The following SYCP2 variants were observed in gnomAD, a reference collection of about 807,000 sequenced individuals.
The protein encoded by SYCP2 is synaptonemal complex protein 2.
In SYCP2, 55 loss-of-function variants were observed where a neutral mutation model predicts 211.3. The observed-to-expected ratio is 0.26, with a 90% CI of 0.21 to 0.33. The LOEUF is 0.33. Among genes scored for constraint, SYCP2 ranks in the 10% least tolerant of loss-of-function variants. The pLI is 1.00. For missense variants in SYCP2, 1,731 were observed against 1,752.0 expected, an observed-to-expected ratio of 0.99 and a Z score of 0.21; for synonymous variants, 570 against 555.2, an observed-to-expected ratio of 1.03 and a Z score of -0.37.
At chr20:59,868,663 CTAAG>C in intron 37 of SYCP2, 95 bp from the exon 38 acceptor site, 3 of 1,387,476 alleles carry the variant, frequency 2.2e-6, no homozygotes, top group Non-Finnish European at 2.9e-6. Flanking sequence ...TTTGTTTCCA[CTAAG>C]TATTTTTATT....
chr20:59,872,937 T>C (rs1237107518), intron 35 of SYCP2, among the ~76,000 whole-genome samples: 1 of 152,102 alleles, frequency 6.6e-6, no homozygotes, highest in East Asian at 1.9e-4. Context: ...TTTAGGTGTT[T>C]ATAAGGAAGT....
At chr20:59,924,215 A>G (rs2060592337) in intron 2 of SYCP2, among the ~76,000 whole-genome samples, 1 of 151,912 alleles carries the variant, frequency 6.6e-6, no homozygotes, top group Non-Finnish European at 1.5e-5. Context: ...CTTCCTAGTC[A>G]TTTCTCCACC....
Position 59,864,217 on chromosome 20 carries a change from CATGTAT to C in SYCP2, c.*88_*93del. On this transcript the variant is annotated 3_prime_UTR_variant, in exon 45 of 45. Coordinates refer to ENST00000357552, the MANE Select transcript of SYCP2 (RefSeq NM_014258.4). The stretch of plus-strand genomic sequence containing the variant: ...ATAAAGGGTACACTTGCTTCGGTGA[CATGTAT>C]ATTTTTCTCTTTGTAGGACTATTCT... 1 of 870,234 alleles carries C rather than the reference CATGTAT, an allele frequency of 1.1e-6. No homozygotes were observed. The highest frequency in any genetic ancestry group is 1.8e-6 in the Non-Finnish European group (1 of 571,062). 53.9% of individuals were successfully genotyped at this position (870,234 alleles called of 1,614,324 possible).
At chr20:59,913,316 A>C (rs1174401866) in intron 12 of SYCP2, among the ~76,000 whole-genome samples, 4 of 152,166 alleles carry the variant, frequency 2.6e-5, no homozygotes, top group Non-Finnish European at 4.4e-5. Flanking sequence ...AGAGGAACTT[A>C]TGATTCAAAT....
intron 20 of SYCP2, among the ~76,000 whole-genome samples, chr20:59,894,057 T>C (rs565741028): frequency 1.3e-5 from 2 of 152,218 alleles, no homozygotes; most frequent in African/African-American, 4.8e-5. Context: ...ACAATATCTA[T>C]TGCATTACCC....
In SYCP2 at chr20:59,922,337, C is replaced by T. The variant is rs2060556677; in HGVS notation, c.24+53G>A. On this transcript the variant is annotated intron_variant, in intron 3 of 44. Coordinates refer to ENST00000357552, the MANE Select transcript of SYCP2 (RefSeq NM_014258.4). ...ATAGCACTGAATACCTATAAGTAAA[C>T]AAAAAGTGATTTTCAGAATGAAAAT... The T allele has an allele frequency of 4.0e-6, 6 of 1,516,606 alleles. No individual in the cohort carries two copies. The African/African-American group carries it at 5.8e-5, about 15-fold the overall frequency. 93.9% of individuals were successfully genotyped at this position (1,516,606 alleles called of 1,614,324 possible).
At chr20:59,924,901 A>G (rs1041161751) in intron 2 of SYCP2, among the ~76,000 whole-genome samples, 1 of 152,042 alleles carries the variant, frequency 6.6e-6, no homozygotes, top group Non-Finnish European at 1.5e-5. Flanking sequence ...AGGAAAGGGT[A>G]AGATAATCTT....
At chr20:59,915,678 AGTAGGAT>A in intron 8 of SYCP2, 128 bp from the exon 9 acceptor site, 1 of 631,712 alleles carries the variant, frequency 1.6e-6, no homozygotes, top group South Asian at 2.0e-5. Context: ...ATGGGAATGG[AGTAGGAT>A]GGAGGAAAGA....
chr20:59,896,601 T>C (rs753798555), intron 18 of SYCP2, 73 bp from the exon 19 acceptor site: 30 of 796,148 alleles, frequency 3.8e-5, no homozygotes, highest in East Asian at 3.6e-4. Flanking sequence ...ATTTTACTTA[T>C]AACATTTTGC....
chr20:59,877,861 A>G (rs1477094535), intron 32 of SYCP2, 147 bp downstream of exon 32: 1 of 660,960 alleles, frequency 1.5e-6, no homozygotes, highest in Admixed American at 3.2e-5. Context: ...ATTTAAAAAG[A>G]AACAGGAGAA....
intron 29 of SYCP2, among the ~76,000 whole-genome samples, 172 bp from the exon 30 acceptor site, chr20:59,881,195 T>C (rs537514573): frequency 6.6e-6 from 1 of 151,958 alleles, no homozygotes; most frequent in Admixed American, 6.5e-5. Context: ...AATAACTATA[T>C]TGGATTAAAG....
In SYCP2 at chr20:59,873,938, G is replaced by T; in HGVS notation, c.3473C>A (p.Thr1158Lys). The change falls in exon 35 of 45, where the codon ACA becomes AAA. Residue 1158 changes from threonine (T) to lysine (K), a missense_variant. Coordinates refer to ENST00000357552, the MANE Select transcript of SYCP2 (RefSeq NM_014258.4). ...SLNSNSGVGG[T>K]IKSPKNNEKN... Reference sequence around the variant, plus strand: ...CTCATTGTTTTTGGGTGACTTTATTGTACCTCCAACTCCACTGTTACTATT... The same window carrying T: ...CTCATTGTTTTTGGGTGACTTTATTTTACCTCCAACTCCACTGTTACTATT... The T allele has an allele frequency of 6.2e-7, 1 of 1,613,194 alleles. No individual in the cohort carries two copies. Among genetic ancestry groups the T allele is most frequent in the South Asian group, 1.1e-5 (1 of 90,998 alleles).
In SYCP2 at chr20:59,900,814, G is replaced by A. The variant is rs140598389; in HGVS notation, c.1187C>T (p.Ser396Phe). The A allele has an allele frequency of 2.9e-5, 46 of 1,608,264 alleles. No individual in the cohort carries two copies. Among genetic ancestry groups the A allele is most frequent in the Non-Finnish European group, 3.7e-5 (44 of 1,175,556 alleles). ...KIFGATKHRESIRKQGISVAK... is the reference protein window; with the variant it reads ...KIFGATKHREFIRKQGISVAK... ...AACTGAAATACCTTGTTTTCTGATA[G>A]ATTCCTAAAATTAAATCAATTCACA... The change falls in exon 17 of 45, where the codon TCT (serine) becomes TTT (phenylalanine). Residue 396 changes from serine to phenylalanine, a missense_variant. Physicochemically the swap from Ser to Phe is radical, Grantham distance 155. Coordinates refer to ENST00000357552, the MANE Select transcript of SYCP2 (RefSeq NM_014258.4).
Position 59,897,371 on chromosome 20 carries a change from A to G in SYCP2, c.1405-843T>C, listed in dbSNP as rs1479338064. Among the ~76,000 whole-genome samples, 7 of 152,350 alleles carry G rather than the reference A, an allele frequency of 4.6e-5. No homozygotes were observed. In the South Asian group the frequency reaches 1.4e-3, roughly 32 times the overall value. On this transcript the variant is annotated intron_variant, in intron 18 of 44. Transcript: ENST00000357552. ...CAACAGATTTTTCTTAGAGAAATTAAGTTTTTAGTGGCATAGTGAATGGAA... is the reference window on the plus strand; with the variant it reads ...CAACAGATTTTTCTTAGAGAAATTAGGTTTTTAGTGGCATAGTGAATGGAA...
intron 3 of SYCP2, among the ~76,000 whole-genome samples, 161 bp downstream of exon 3, chr20:59,922,229 T>C (rs2060554374): frequency 6.6e-6 from 1 of 151,624 alleles, no homozygotes; most frequent in Non-Finnish European, 1.5e-5. Context: ...TGCAAACATC[T>C]AATGAATACA....
chr20:59,896,312 A>G (rs760237388), intron 19 of SYCP2, 117 bp downstream of exon 19: 15 of 581,780 alleles, frequency 2.6e-5, no homozygotes, highest in African/African-American at 1.9e-5. Flanking sequence ...TTCATATTTT[A>G]TCAATTTTTA....
chr20:59,914,184 T>C lies in SYCP2; in HGVS notation c.702A>G (p.Glu234=). 1 of 1,605,820 alleles carries C rather than the reference T, an allele frequency of 6.2e-7. No homozygotes were observed. Among genetic ancestry groups the C allele is most frequent in the Non-Finnish European group, 8.5e-7 (1 of 1,174,152 alleles). ...CRMTTEKQRQ[E]LAHQWFSMDF... is the part of the protein sequence containing the mutation. ...CCATTGAAAACCACTGATGTGCCAG[T>C]TCTTGTCTTTGTTTTTCTGTGGTCA... The change falls in exon 11 of 45, where the codon GAA becomes GAG. Residue 234 remains glutamate, a synonymous_variant. Transcript: ENST00000357552.
Position 59,892,270 on chromosome 20 carries a change from T to C in SYCP2, c.2084A>G (p.Gln695Arg). The C allele has an allele frequency of 6.2e-7, 1 of 1,612,834 alleles. No homozygotes were observed. Among genetic ancestry groups the C allele is most frequent in the Non-Finnish European group, 8.5e-7 (1 of 1,179,232 alleles). ...AEVEVCKKHN[Q>R]QQNHPKYSGQ... The stretch of plus-strand genomic sequence containing the variant: ...TGAATATTTAGGATGATTTTGTTGC[T>C]GATTGTGTTTCTTGCAAACTTCTAC... The change falls in exon 24 of 45, where the codon CAG becomes CGG. Residue 695 changes from glutamine (Q) to arginine (R), a missense_variant. Around this residue, in one of 3 missense-constraint regions of SYCP2, gnomAD observed 1,387 missense variants for 1,351.3 expected, o/e 1.03. Transcript: ENST00000357552.
chr20:59,883,637 TAAAA>T (rs79070220), intron 26 of SYCP2, among the ~76,000 whole-genome samples: 4 of 143,222 alleles, frequency 2.8e-5, no homozygotes, highest in Admixed American at 2.1e-4. Flanking sequence ...TGTGGAATCT[TAAAA>T]AAAAAAAAAT....
Sources: allele counts gnomAD v4.1 joint callset (sites outside exome capture counted in the v4.1 genomes callset), GRCh38; gene constraint gnomAD v4.1.1; regional missense constraint gnomAD v4.1.1; transcripts MANE v1.5; gene names NCBI Gene and HGNC (gene_info 2026-07-23, HGNC 2026-07-21).